The following ZNF385B variants were observed in gnomAD, a reference collection of about 807,000 sequenced individuals.
The protein encoded by ZNF385B is zinc finger protein 385B.
Under a neutral mutation model 39.2 loss-of-function variants are expected in ZNF385B, and 23 were observed. The ratio of observed to expected loss-of-function variants is 0.59; its 90% CI spans 0.42 to 0.83. The LOEUF (loss-of-function observed/expected upper bound fraction) is 0.83, where lower values mean the gene tolerates loss of function less well. ZNF385B is among the 40% of genes least tolerant of loss of function. The pLI, the probability that ZNF385B is intolerant of heterozygous loss-of-function variation, is 0.00. For synonymous variants in ZNF385B, 205 were observed against 222.6 expected, an observed-to-expected ratio of 0.92 and a Z score of 0.70; for missense variants, 552 against 598.9, an observed-to-expected ratio of 0.92 and a Z score of 0.82.
At chr2:179,778,201 C>T (rs755823966) in intron 1 of ZNF385B, among the ~76,000 whole-genome samples, 4 of 152,174 alleles carry the variant, frequency 2.6e-5, no homozygotes, top group Non-Finnish European at 4.4e-5. Context: ...ATGAGGAAGT[C>T]TAGATTCCAT....
chr2:179,728,461 A>G (rs1282375740), intron 3 of ZNF385B, among the ~76,000 whole-genome samples: 3 of 152,168 alleles, frequency 2.0e-5, no homozygotes, highest in African/African-American at 7.2e-5. Flanking sequence ...ATGAGAATCC[A>G]GAAAACCCAA....
chr2:179,474,711 G>A (rs2053216027), intron 6 of ZNF385B, among the ~76,000 whole-genome samples: 1 of 152,034 alleles, frequency 6.6e-6, no homozygotes, highest in East Asian at 1.9e-4. Flanking sequence ...TAGGATATTA[G>A]GTGCTGCATA....
chr2:179,567,619 C>T (rs991664217), intron 3 of ZNF385B, among the ~76,000 whole-genome samples: 1 of 152,140 alleles, frequency 6.6e-6, no homozygotes, highest in African/African-American at 2.4e-5. Context: ...AGGAACAATG[C>T]CTTGCACATA....
intron 1 of ZNF385B, among the ~76,000 whole-genome samples, chr2:179,773,503 C>T (rs955295861): frequency 1.3e-5 from 2 of 152,222 alleles, no homozygotes; most frequent in African/African-American, 4.8e-5. Flanking sequence ...TCGTGATGCT[C>T]CCTCGCTCGA....
At chr2:179,485,689 A>G (rs2054493504) in intron 5 of ZNF385B, among the ~76,000 whole-genome samples, 1 of 152,232 alleles carries the variant, frequency 6.6e-6, no homozygotes, top group African/African-American at 2.4e-5. Context: ...TCTCCCATTT[A>G]AATGGAAGCT....
At chr2:179,727,888 A>G (rs1006764373) in intron 3 of ZNF385B, among the ~76,000 whole-genome samples, 1 of 152,130 alleles carries the variant, frequency 6.6e-6, no homozygotes, top group African/African-American at 2.4e-5. Flanking sequence ...ACTGGGTGAC[A>G]AATCATATCA....
intron 3 of ZNF385B, among the ~76,000 whole-genome samples, chr2:179,748,366 T>G (rs1053733483): frequency 2.4e-4 from 36 of 152,284 alleles, no homozygotes; most frequent in African/African-American, 8.7e-4. Flanking sequence ...ATAAGTATTT[T>G]TTTAGCAACC....
At chr2:179,646,443 C>T (rs1359362440) in intron 3 of ZNF385B, among the ~76,000 whole-genome samples, 1 of 152,092 alleles carries the variant, frequency 6.6e-6, no homozygotes, top group Non-Finnish European at 1.5e-5. Flanking sequence ...AGCAAAAAAC[C>T]CTGAACCTGA....
At chr2:179,595,177 A>C (rs1257619256) in intron 3 of ZNF385B, among the ~76,000 whole-genome samples, 2 of 152,210 alleles carry the variant, frequency 1.3e-5, no homozygotes, top group African/African-American at 4.8e-5. Flanking sequence ...TGAAACTAGG[A>C]AGATTCAAAG....
chr2:179,768,854 C>CA (rs1703852535), intron 3 of ZNF385B, among the ~76,000 whole-genome samples: 1 of 152,174 alleles, frequency 6.6e-6, no homozygotes, highest in South Asian at 2.1e-4. Context: ...GGCAGAAATG[C>CA]AAAAATTCCT....
At chr2:179,835,282 A>G (rs1708186957) in intron 1 of ZNF385B, among the ~76,000 whole-genome samples, 1 of 152,224 alleles carries the variant, frequency 6.6e-6, no homozygotes, top group African/African-American at 2.4e-5. Context: ...AACTGTTTCC[A>G]ATTGTTGAAC....
At chr2:179,754,204 T>C (rs1327249411) in intron 3 of ZNF385B, among the ~76,000 whole-genome samples, 2 of 152,248 alleles carry the variant, frequency 1.3e-5, no homozygotes, top group Non-Finnish European at 2.9e-5. Context: ...GTGGTTTTTG[T>C]CTTTGGTTCT....
chr2:179,540,311 TG>T, intron 4 of ZNF385B, among the ~76,000 whole-genome samples: 1 of 151,968 alleles, frequency 6.6e-6, no homozygotes, highest in East Asian at 1.9e-4. Context: ...CCAGGTGTGG[TG>T]GCGCATGACT....
At chr2:179,541,933 C>A in intron 4 of ZNF385B, among the ~76,000 whole-genome samples, 1 of 152,160 alleles carries the variant, frequency 6.6e-6, no homozygotes, top group East Asian at 1.9e-4. Flanking sequence ...GATTCTAATT[C>A]AAGTCTCAGT....
intron 1 of ZNF385B, among the ~76,000 whole-genome samples, chr2:179,860,262 T>G (rs1684931387): frequency 6.6e-6 from 1 of 152,168 alleles, no homozygotes; most frequent in South Asian, 2.1e-4. Flanking sequence ...TATTTTGTAT[T>G]CATGGGCGTG....
At chr2:179,499,465 C>T (rs1022229136) in intron 5 of ZNF385B, among the ~76,000 whole-genome samples, 4 of 151,856 alleles carry the variant, frequency 2.6e-5, no homozygotes, top group African/African-American at 9.7e-5. Flanking sequence ...GGGATTTATC[C>T]CTAGGATACA....
At chr2:179,544,998 A>C (rs1483217958) in intron 3 of ZNF385B, 29 bp from the exon 4 acceptor site, 1 of 1,613,350 alleles carries the variant, frequency 6.2e-7, no homozygotes, top group Non-Finnish European at 8.5e-7. Flanking sequence ...AAATGAATTC[A>C]ATTTCTTGCT....
chr2:179,613,236 C>T (rs897338913), intron 3 of ZNF385B, among the ~76,000 whole-genome samples: 3 of 152,122 alleles, frequency 2.0e-5, no homozygotes, highest in African/African-American at 4.8e-5. Flanking sequence ...CAACTGTGGC[C>T]GAGCTGGTAC....
intron 1 of ZNF385B, among the ~76,000 whole-genome samples, chr2:179,812,665 A>G (rs1360352106): frequency 6.6e-6 from 1 of 152,176 alleles, no homozygotes; most frequent in Non-Finnish European, 1.5e-5. Context: ...AGAAGGGGGA[A>G]AGGGTTGACA....
Sources: allele counts gnomAD v4.1 joint callset (sites outside exome capture counted in the v4.1 genomes callset), GRCh38; gene constraint gnomAD v4.1.1; transcripts MANE v1.5; gene names NCBI Gene and HGNC (gene_info 2026-07-23, HGNC 2026-07-21).